Variants in KANK1 observed in about 807,000 individuals in gnomAD.
KANK1 encodes the protein KN motif and ankyrin repeat domains 1.
A neutral mutation model predicts 106.2 loss-of-function variants in KANK1; 109 were observed. The ratio of observed to expected loss-of-function variants is 1.03; its 90% CI spans 0.88 to 1.20. The LOEUF (loss-of-function observed/expected upper bound fraction) is 1.20. Among genes scored for constraint, KANK1 ranks in the 50% most tolerant of loss-of-function variants. The pLI is 0.00. For synonymous variants in KANK1, 873 were observed against 652.2 expected (o/e 1.34, Z -5.16); for missense variants, 2,399 against 1,710.7 (o/e 1.40, Z -7.10).
chr9:712,791 A>G lies in KANK1; in HGVS notation c.2025A>G (p.Thr675=), dbSNP rs373073596. 6 of 1,613,758 alleles carry G rather than the reference A, an allele frequency of 3.7e-6. No homozygotes were observed. The highest frequency in any genetic ancestry group is 2.7e-5 in the African/African-American group (2 of 74,900). Residue 675 remains threonine, a synonymous_variant, in exon 3 of 12, where the codon ACA becomes ACG. Transcript: ENST00000382297. ...VPRTADQDTS[T]DLEQVHQFTN... ...GTACTGCAGACCAGGACACTAGCAC[A>G]GATTTGGAACAGGTGCACCAGTTCA...
chr9:547,344 A>G (rs1198288113), intron 1 of KANK1: 2 of 152,192 alleles, frequency 1.3e-5, no homozygotes, highest in Non-Finnish European at 2.9e-5. Flanking sequence ...AGCCCTGGGT[A>G]AGTTTGAAGA....
chr9:645,377 T>C (rs956515512), intron 1 of KANK1, among the ~76,000 whole-genome samples: 3 of 142,242 alleles, frequency 2.1e-5, no homozygotes, highest in Non-Finnish European at 4.5e-5. Context: ...GAGGTGGAGG[T>C]TGTAGTGATC....
intron 1 of KANK1, among the ~76,000 whole-genome samples, chr9:550,060 G>C (rs111460112): frequency 3.5e-4 from 54 of 152,198 alleles, no homozygotes; most frequent in African/African-American, 1.2e-3. Context: ...TTGCTTTCTC[G>C]TGAGGAATGT....
At chr9:659,387 C>T (rs1412481603) in intron 1 of KANK1, among the ~76,000 whole-genome samples, 1 of 152,120 alleles carries the variant, frequency 6.6e-6, no homozygotes, top group African/African-American at 2.4e-5. Context: ...ATGCAGATTG[C>T]AGGGCCCCAA....
intron 1 of KANK1, chr9:540,372 C>A (rs1201768770): frequency 6.6e-6 from 1 of 152,102 alleles, no homozygotes; most frequent in Non-Finnish European, 1.5e-5. Flanking sequence ...TCTTTGCATC[C>A]CAGGGATAAA....
At chr9:562,875 T>G (rs1267107436) in intron 1 of KANK1, among the ~76,000 whole-genome samples, 1 of 152,174 alleles carries the variant, frequency 6.6e-6, no homozygotes, top group Non-Finnish European at 1.5e-5. Flanking sequence ...AAATATTTGT[T>G]GAATGAAAAA....
intron 2 of KANK1, among the ~76,000 whole-genome samples, chr9:690,861 A>T (rs905787427): frequency 2.0e-5 from 3 of 152,184 alleles, no homozygotes; most frequent in African/African-American, 2.4e-5. Flanking sequence ...GTACCACAGA[A>T]GGCTTTTGTC....
chr9:489,637 A>G (rs2058346119), intron 3 of KANK1, among the ~76,000 whole-genome samples: 1 of 152,176 alleles, frequency 6.6e-6, no homozygotes, highest in Non-Finnish European at 1.5e-5. Context: ...TGGGCTCCAC[A>G]ACTACAGTGT....
intron 1 of KANK1, among the ~76,000 whole-genome samples, chr9:597,557 T>A (rs1826524924): frequency 6.6e-6 from 1 of 151,854 alleles, no homozygotes; most frequent in Non-Finnish European, 1.5e-5. Context: ...AATTGTTATT[T>A]GTTGTTGACT....
chr9:662,873 G>A (rs568069496), intron 1 of KANK1, among the ~76,000 whole-genome samples: 1 of 152,082 alleles, frequency 6.6e-6, no homozygotes, highest in Non-Finnish European at 1.5e-5. Context: ...TGTTGGCCAG[G>A]TTGGTCTCAA....
chr9:524,982 C>CTTTTTTTTTTTTTTT lies in KANK1; in HGVS notation c.-84+20236_-84+20250dup. Among the ~76,000 whole-genome samples, 112 of 91,950 alleles carry CTTTTTTTTTTTTTTT rather than the reference C, an allele frequency of 1.2e-3. 13 individuals carry two copies. Among genetic ancestry groups the CTTTTTTTTTTTTTTT allele is most frequent in the African/African-American group, 5.1e-3 (108 of 21,326 alleles). 60.3% of individuals were successfully genotyped at this position (91,950 alleles called of 152,430 possible). On this transcript the variant is annotated intron_variant, in intron 1 of 11. Transcript: ENST00000382297. ...TTAGTCAATCCCAAACTCTTGCTGC[C>CTTTTTTTTTTTTTTT]TTTTTTTTTTTTTTTTTTTTTTGAG...
chr9:664,225 C>T (rs923678324), intron 1 of KANK1, among the ~76,000 whole-genome samples: 5 of 152,038 alleles, frequency 3.3e-5, no homozygotes, highest in Non-Finnish European at 7.4e-5. Flanking sequence ...ATTCCCCATC[C>T]CCACTACCCT....
At chr9:728,159 A>G (rs145414164) in intron 3 of KANK1, among the ~76,000 whole-genome samples, 31 of 152,290 alleles carry the variant, frequency 2.0e-4, no homozygotes, top group African/African-American at 5.1e-4. Flanking sequence ...ACCCTAAAAT[A>G]TATTTCTTCG....
chr9:479,471 G>A (rs1392630784), intron 3 of KANK1, among the ~76,000 whole-genome samples: 1 of 152,058 alleles, frequency 6.6e-6, no homozygotes, highest in South Asian at 2.1e-4. Flanking sequence ...GGCCATGTTA[G>A]GTCATTTTCA....
chr9:485,631 G>A (rs2058278585), intron 3 of KANK1, among the ~76,000 whole-genome samples: 1 of 152,164 alleles, frequency 6.6e-6, no homozygotes, highest in Non-Finnish European at 1.5e-5. Context: ...CCAACACTTT[G>A]AGAGGCCGAG....
Position 745,268 on chromosome 9 carries a change from C to T in KANK1, c.*33C>T, listed in dbSNP as rs1404728711. ...CAAATAGCCCTTTATTTACATGCCA[C>T]TATTAAGCTGCTAATTGTTCCTGTT... On this transcript the variant is annotated 3_prime_UTR_variant, in exon 12 of 12. Transcript: ENST00000382297. 14 of 1,612,812 alleles carry T rather than the reference C, an allele frequency of 8.7e-6. No individual in the cohort carries two copies. Among genetic ancestry groups the T allele is most frequent in the Admixed American group, 1.7e-5 (1 of 59,990 alleles).
rs778758380 is a variant in KANK1 at position 738,529 on chromosome 9, C to G, written c.3553+25C>G. 10 of 1,572,774 alleles carry G rather than the reference C, an allele frequency of 6.4e-6. No individual in the cohort carries two copies. In the South Asian group the frequency reaches 6.7e-5, roughly 10 times the overall value. On this transcript the variant is annotated intron_variant, in intron 8 of 11. Transcript: ENST00000382297. ...GGTATGTTGGCTGCCCTTCCACCCT[C>G]TCTTCTCTAACAGTACTTGGGTTGT...
chr9:511,893 C>T (rs556415187), intron 1 of KANK1, among the ~76,000 whole-genome samples: 1 of 152,058 alleles, frequency 6.6e-6, no homozygotes, highest in Non-Finnish European at 1.5e-5. Flanking sequence ...GTTTTGGATT[C>T]TGTGGGTCAG....
At chr9:693,549 GTTTT>G (rs1227084489) in intron 2 of KANK1, 2 of 985,420 alleles carry the variant, frequency 2.0e-6, no homozygotes, top group East Asian at 2.3e-4. Flanking sequence ...CTTGCTAGCA[GTTTT>G]GTTTGTTGGT....
Sources: gnomAD v4.1 joint callset for allele counts (sites outside exome capture counted in the v4.1 genomes callset) on GRCh38, gnomAD v4.1.1 for gene constraint, MANE v1.5 for transcripts, NCBI Gene and HGNC (gene_info 2026-07-23, HGNC 2026-07-21) for gene names.